Variants in PRAMEF14 observed in about 807,000 individuals in gnomAD.
PRAMEF14 encodes the protein PRAME family member 14.
Under a neutral mutation model 38.3 loss-of-function variants are expected in PRAMEF14, and 24 were observed. The ratio of observed to expected loss-of-function variants is 0.63; its 90% confidence interval spans 0.45 to 0.88. The LOEUF is 0.88. Among genes scored for constraint, PRAMEF14 ranks in the 40% least tolerant of loss-of-function variants. The pLI, the probability that PRAMEF14 is intolerant of heterozygous loss-of-function variation, is 0.00. For missense variants in PRAMEF14, 477 were observed against 570.8 expected (o/e 0.84, Z 1.67); for synonymous variants, 194 against 226.4 (o/e 0.86, Z 1.29).
At position 13,342,870 on chromosome 1, in the gene PRAMEF14, G is replaced by C; in HGVS notation, c.1083C>G (p.Ile361Met). 2.5e-6 allele frequency: 4 copies of C among 1,609,242 alleles called. No individual in the cohort carries two copies. Among genetic ancestry groups the C allele is most frequent in the Non-Finnish European group, 3.4e-6 (4 of 1,179,246 alleles). Residue 361 changes from isoleucine (I) to methionine (M), a missense_variant, in exon 4 of 4, where the codon ATC becomes ATG. Ile to Met is a conservative substitution (Grantham distance 10). Transcript: ENST00000334600. Reference sequence around the variant, plus strand: ...GGATGGCACTGAGTTGGGAGTAGTGGATCTGACAGCCCTCCAAGATGAGGG... The same window carrying C: ...GGATGGCACTGAGTTGGGAGTAGTGCATCTGACAGCCCTCCAAGATGAGGG... ...LETLILEGCQ[I>M]HYSQLSAILP...
intron 3 of PRAMEF14, 44 bp downstream of exon 3, chr1:13,343,994 G>T: frequency 3.7e-6 from 6 of 1,603,886 alleles, no homozygotes; most frequent in Non-Finnish European, 4.3e-6. Context: ...AACAGAACAA[G>T]GCTATGCTGT....
intron 1 of PRAMEF14, among the ~76,000 whole-genome samples, chr1:13,345,568 C>T (rs1189488112): frequency 1.3e-5 from 2 of 150,880 alleles, no homozygotes; most frequent in Non-Finnish European, 3.0e-5. Context: ...TTTCTTGTCA[C>T]TTACCACCCT....
In PRAMEF14 at chr1:13,342,409, A is replaced by G; in HGVS notation, c.*119T>C. The G allele has an allele frequency of 7.0e-7, 1 of 1,424,344 alleles. No homozygotes were observed. The highest frequency in any genetic ancestry group is 1.5e-5 in the South Asian group (1 of 65,478). The allele number at this position is 1,424,344 out of a possible 1,614,324, so 88.2% of individuals were successfully genotyped here. A position where few individuals can be genotyped will look rare whatever the true frequency, so the allele number is the denominator to read the frequency against. Reference sequence around the variant, plus strand: ...TGTCTTTAATAAAAATTTTGGAATTATTAAAAAATGAAATAAATAAGAAAA... The same window carrying G: ...TGTCTTTAATAAAAATTTTGGAATTGTTAAAAAATGAAATAAATAAGAAAA... On this transcript the variant is annotated 3_prime_UTR_variant, in exon 4 of 4. Transcript: ENST00000334600.
rs1553125300 is a variant in PRAMEF14, at chr1:13,342,335, G to A, written c.*193C>T. ...GAGGCAGGAGGATCCCATAAGCCCA[G>A]CTGAGGCAGGAGGATCCCAGAGCAA... is the stretch of plus-strand genomic sequence containing the variant. On this transcript the variant is annotated 3_prime_UTR_variant, in exon 4 of 4. Coordinates refer to ENST00000334600, the MANE Select transcript of PRAMEF14 (RefSeq NM_001024661.2). 1 of 1,088,854 alleles carries A rather than the reference G, an allele frequency of 9.2e-7. No homozygotes were observed. The highest frequency in any genetic ancestry group is 3.0e-5 in the Admixed American group (1 of 33,858). The allele number at this position is 1,088,854 out of a possible 1,614,324, so 67.4% of individuals were successfully genotyped here.
In PRAMEF14 at chr1:13,344,421, A is replaced by G. The variant is rs1640374450; in HGVS notation, c.483T>C (p.Asp161=). Residue 161 remains aspartate, a synonymous_variant, in exon 3 of 4, where the codon GAT becomes GAC. Coordinates refer to ENST00000334600, the MANE Select transcript of PRAMEF14 (RefSeq NM_001024661.2). The stretch of plus-strand genomic sequence containing the variant: ...ACTGAAAGAGGTATCTCAGGCATTC[A>G]TCCTGGGGTATTTCCTTGAGGCAGA... The part of the protein sequence containing the change: ...IDICLKEIPQ[D]ECLRYLFQWV... 2 of 1,604,650 alleles carry G rather than the reference A, an allele frequency of 1.2e-6. No homozygotes were observed. The highest frequency in any genetic ancestry group is 1.7e-5 in the Admixed American group (1 of 59,804).
In PRAMEF14 at chr1:13,344,507, G is replaced by C. The variant is rs1640376073; in HGVS notation, c.397C>G (p.Gln133Glu). The C allele has an allele frequency of 3.1e-6, 5 of 1,607,272 alleles. No individual in the cohort carries two copies. The highest frequency in any genetic ancestry group is 4.2e-6 in the Non-Finnish European group (5 of 1,178,930). Residue 133 changes from glutamine to glutamate, a missense_variant, in exon 3 of 4, where the codon CAG becomes GAG. Gln to Glu is a conservative substitution (Grantham distance 29). Around this residue, in one of 4 missense-constraint regions of PRAMEF14, gnomAD observed 234 missense variants for 247.4 expected, o/e 0.95. Transcript: ENST00000334600. ...SCFPETMSKR[Q>E]TAEDCPRMGE... The stretch of plus-strand genomic sequence containing the variant: ...ATCCTTGGACAGTCCTCTGCTGTCT[G>C]CCTCTTACTCATGGTCTCTGGGAAG...
At chr1:13,343,661 G>A (rs1640362371) in intron 3 of PRAMEF14, 2 of 1,338,026 alleles carry the variant, frequency 1.5e-6, no homozygotes, top group South Asian at 2.5e-5. Flanking sequence ...ATTGTGAAAT[G>A]GACAGGTTTG....
Position 13,342,539 on chromosome 1 carries a change from G to C in PRAMEF14, c.1414C>G (p.Leu472Val), listed in dbSNP as rs1640341530. 4 of 1,604,880 alleles carry C rather than the reference G, an allele frequency of 2.5e-6. 1 individual carries two copies. Among genetic ancestry groups the C allele is most frequent in the Non-Finnish European group, 3.4e-6 (4 of 1,177,182 alleles). Residue 472 changes from leucine (L) to valine (V), a missense_variant, in exon 4 of 4, where the codon CTT becomes GTT. Leu to Val is a conservative substitution (Grantham distance 32). Transcript: ENST00000334600. ...SSPSEELELH[L>V]CC ...TAGGCACGCCTTCCCTAGCAGCAAA[G>C]ATGGAGCTCCAGTTCCTCAGACGGT...
chr1:13,344,689 C>G lies in PRAMEF14; in HGVS notation c.288-73G>C, dbSNP rs1314563989. 1.3e-6 allele frequency: 2 copies of G among 1,589,720 alleles called. 1 individual carries two copies. Among genetic ancestry groups the G allele is most frequent in the East Asian group, 4.8e-5 (2 of 41,582 alleles). ...CTGACCTTTGCTTTCATTCTCATCC[C>G]ATAAATCAGCTGCTCCTGTCCTCAG... On this transcript the variant is annotated intron_variant, in intron 2 of 3. Coordinates refer to ENST00000334600, the MANE Select transcript of PRAMEF14 (RefSeq NM_001024661.2).
intron 3 of PRAMEF14, 96 bp from the exon 4 acceptor site, chr1:13,343,182 T>A: frequency 1.4e-6 from 1 of 701,982 alleles, no homozygotes; most frequent in South Asian, 1.9e-5. Flanking sequence ...CAAACACAAG[T>A]TTGTTCCCAC....
chr1:13,345,833 G>T (rs1349774562), intron 1 of PRAMEF14, among the ~76,000 whole-genome samples: 445 of 147,448 alleles, frequency 3.0e-3, no homozygotes, highest in East Asian at 7.2e-3. Context: ...ATGAAACGAT[G>T]TCTCTACTAA....
chr1:13,342,477 A>G lies in PRAMEF14; in HGVS notation c.*51T>C. The G allele has an allele frequency of 6.2e-7, 1 of 1,601,236 alleles. No individual in the cohort carries two copies. Among genetic ancestry groups the G allele is most frequent in the Non-Finnish European group, 8.5e-7 (1 of 1,174,196 alleles). ...CCTACATAGTAGATTTTAGTGTCCC[A>G]GTGCCTGGAAGAGAACTTTGGATTT... On this transcript the variant is annotated 3_prime_UTR_variant, in exon 4 of 4. Transcript: ENST00000334600.
chr1:13,345,767 A>C (rs1167963671), intron 1 of PRAMEF14, among the ~76,000 whole-genome samples: 459 of 147,648 alleles, frequency 3.1e-3, no homozygotes, highest in South Asian at 5.8e-3. Flanking sequence ...ACTGCTGGAC[A>C]CCAAGGCAGG....
rs1640383941 is a variant in PRAMEF14 at position 13,345,121 on chromosome 1, G to A, written c.194C>T (p.Pro65Leu). Residue 65 changes from proline (P) to leucine (L), a missense_variant, in exon 2 of 4, where the codon CCT (proline) becomes CTT (leucine). Around this residue, in one of 4 missense-constraint regions of PRAMEF14, gnomAD observed 58 missense variants for 119.9 expected, o/e 0.48. Transcript: ENST00000334600. ...MVQAWPFTCL[P>L]LGSLMKTLHL... is the part of the protein sequence containing the mutation. ...AAGCGTCTTCATCAGTGATCCCAGA[G>A]GGAGGCAGGTGAAGGGCCAGGCCTG... 8 of 1,596,590 alleles carry A rather than the reference G, an allele frequency of 5.0e-6. 1 individual carries two copies. Among genetic ancestry groups the A allele is most frequent in the Non-Finnish European group, 6.8e-6 (8 of 1,170,342 alleles).
In PRAMEF14 at chr1:13,342,653, G is replaced by A. The variant is rs200587395; in HGVS notation, c.1300C>T (p.Arg434Trp). The A allele has an allele frequency of 1.1e-3, 1,795 of 1,605,090 alleles. 21 individuals carry two copies. Among genetic ancestry groups the A allele is most frequent in the Non-Finnish European group, 1.4e-3 (1,683 of 1,178,058 alleles). Residue 434 changes from arginine to tryptophan, a missense_variant, in exon 4 of 4, where the codon CGG becomes TGG. Arg to Trp is a moderately radical substitution (Grantham distance 101). Around this residue, in one of 4 missense-constraint regions of PRAMEF14, gnomAD observed 151 missense variants for 137.4 expected, o/e 1.10. Transcript: ENST00000334600. ...CTCAGTGTACACATCAGCTCAGCCC[G>A]AAGTAGGGCGAAGATCTCCCAATCG... The part of the protein sequence containing the change: ...RVDWEIFALL[R>W]AELMCTLREV...
chr1:13,343,544 A>G, intron 3 of PRAMEF14: 1 of 1,310,164 alleles, frequency 7.6e-7, no homozygotes, highest in Non-Finnish European at 1.0e-6. Flanking sequence ...AGAAGCACAC[A>G]TTTCCCATGT....
intron 1 of PRAMEF14, among the ~76,000 whole-genome samples, chr1:13,346,144 AC>A (rs1231613825): frequency 1.3e-5 from 2 of 150,334 alleles, no homozygotes; most frequent in African/African-American, 2.4e-5. Context: ...CAGAAAAAAA[AC>A]AAAATAATTC....
At position 13,344,178 on chromosome 1, in the gene PRAMEF14, G is replaced by A. The variant is rs1405852403; in HGVS notation, c.726C>T (p.Cys242=). Residue 242 remains cysteine (C), a synonymous_variant, in exon 3 of 4, where the codon TGC becomes TGT. Coordinates refer to ENST00000334600, the MANE Select transcript of PRAMEF14 (RefSeq NM_001024661.2). ...GTTCATTATCTGACATGGAATGATGGCACCTGGAGAAAACGAGTTTGCGAA... is the reference window on the plus strand; with the variant it reads ...GTTCATTATCTGACATGGAATGATGACACCTGGAGAAAACGAGTTTGCGAA... ...KNLRKLVFSR[C]HHSMSDNELE... is the part of the protein sequence containing the mutation. 27 of 1,606,722 alleles carry A rather than the reference G, an allele frequency of 1.7e-5. 1 individual carries two copies. Among genetic ancestry groups the A allele is most frequent in the Non-Finnish European group, 2.1e-5 (25 of 1,177,374 alleles).
Position 13,342,809 on chromosome 1 carries a change from A to C in PRAMEF14, c.1144T>G (p.Phe382Val). The change falls in exon 4 of 4, where the codon TTC (phenylalanine) becomes GTC (valine). Residue 382 changes from phenylalanine to valine, a missense_variant. Phe to Val is a conservative substitution (Grantham distance 50, BLOSUM62 -1). Coordinates refer to ENST00000334600, the MANE Select transcript of PRAMEF14 (RefSeq NM_001024661.2). ...GLSHCSQLTTFYFGRNCMSMG... is the reference protein window; with the variant it reads ...GLSHCSQLTTVYFGRNCMSMG... ...GACATACAATTTCTGCCAAAGTAGA[A>C]GGTGGTGAGCTGGGAGCAGTGGCTC... The C allele has an allele frequency of 6.2e-7, 1 of 1,607,488 alleles. No homozygotes were observed. The highest frequency in any genetic ancestry group is 8.5e-7 in the Non-Finnish European group (1 of 1,178,908).
Sources: gnomAD v4.1 joint callset for allele counts (sites outside exome capture counted in the v4.1 genomes callset) on GRCh38, gnomAD v4.1.1 for gene constraint, gnomAD v4.1.1 regional missense constraint, MANE v1.5 for transcripts, NCBI Gene and HGNC (gene_info 2026-07-23, HGNC 2026-07-21) for gene names.